The following KHDRBS2 variants were observed in gnomAD, a reference collection of about 807,000 sequenced individuals.
KHDRBS2 encodes KH domain-containing, RNA-binding, signal transduction-associated protein 2.
A neutral mutation model predicts 44.3 loss-of-function variants in KHDRBS2; 26 were observed. The ratio of observed to expected loss-of-function variants is 0.59; its 90% CI spans 0.43 to 0.81. The LOEUF (loss-of-function observed/expected upper bound fraction) is 0.81. KHDRBS2 is among the 40% of genes least tolerant of loss of function. KHDRBS2 has a pLI of 0.00. For missense variants in KHDRBS2, 476 were observed against 433.1 expected (o/e 1.10, Z -0.88); for synonymous variants, 194 against 151.1 (o/e 1.28, Z -2.08).
At chr6:61,762,716 A>C (rs2127573131) in intron 6 of KHDRBS2, among the ~76,000 whole-genome samples, 1 of 152,310 alleles carries the variant, frequency 6.6e-6, no homozygotes. Context: ...AGCAACACAA[A>C]TGAGCTAAGA....
the KHDRBS2 span, among the ~76,000 whole-genome samples, chr6:61,548,499 AACT>A: frequency 6.6e-6 from 1 of 152,146 alleles, no homozygotes; most frequent in African/African-American, 2.4e-5. Context: ...GCTGTCCAAG[AACT>A]ACAATTTAAG....
At chr6:62,033,173 G>A (rs924352942) in intron 3 of KHDRBS2, among the ~76,000 whole-genome samples, 3 of 151,708 alleles carry the variant, frequency 2.0e-5, no homozygotes, top group African/African-American at 7.3e-5. Context: ...AAACAGAGGA[G>A]ACAAAAGAAA....
chr6:61,897,964 T>C (rs771522133), intron 5 of KHDRBS2, among the ~76,000 whole-genome samples: 24 of 152,164 alleles, frequency 1.6e-4, no homozygotes, highest in Non-Finnish European at 1.0e-4. Context: ...TTTTCATTCA[T>C]CAATTATGCA....
chr6:62,081,422 G>A (rs1270094591), intron 2 of KHDRBS2, among the ~76,000 whole-genome samples: 2 of 152,140 alleles, frequency 1.3e-5, no homozygotes, highest in Non-Finnish European at 2.9e-5. Context: ...TAAATTTCTT[G>A]AGTATTAAAG....
At chr6:62,078,726 A>C (rs1319813799) in intron 2 of KHDRBS2, among the ~76,000 whole-genome samples, 2 of 151,990 alleles carry the variant, frequency 1.3e-5, no homozygotes, top group Non-Finnish European at 2.9e-5. Context: ...TAATATTCTG[A>C]AGAAAATTAT....
intron 4 of KHDRBS2, among the ~76,000 whole-genome samples, chr6:61,960,530 G>A (rs544385734): frequency 1.3e-5 from 2 of 152,118 alleles, no homozygotes; most frequent in South Asian, 4.1e-4. Flanking sequence ...TATTTCAGAA[G>A]CAATAAACAT....
chr6:61,884,805 T>G (rs552427237), intron 6 of KHDRBS2, among the ~76,000 whole-genome samples: 111 of 152,230 alleles, frequency 7.3e-4, no homozygotes, highest in African/African-American at 2.5e-3. Context: ...AAACTAAGGT[T>G]ACACAGTCAG....
intron 1 of KHDRBS2, among the ~76,000 whole-genome samples, chr6:62,202,064 G>A (rs1023012868): frequency 7.2e-5 from 11 of 151,962 alleles, no homozygotes; most frequent in African/African-American, 2.4e-4. Context: ...CATATAATAC[G>A]TGAAAATAAT....
At chr6:62,196,921 A>T (rs1388562526) in intron 1 of KHDRBS2, among the ~76,000 whole-genome samples, 1 of 152,214 alleles carries the variant, frequency 6.6e-6, no homozygotes, top group East Asian at 1.9e-4. Flanking sequence ...CCCATAAAGC[A>T]TAGATGTCTT....
chr6:61,804,826 C>T (rs1248125970), intron 6 of KHDRBS2, among the ~76,000 whole-genome samples: 1 of 152,190 alleles, frequency 6.6e-6, no homozygotes, highest in Non-Finnish European at 1.5e-5. Context: ...GCCTGGCCCA[C>T]TAAACCATTT....
chr6:61,794,622 A>G (rs1394028421), intron 6 of KHDRBS2, among the ~76,000 whole-genome samples: 1 of 152,162 alleles, frequency 6.6e-6, no homozygotes, highest in Non-Finnish European at 1.5e-5. Flanking sequence ...AAAAAACAAC[A>G]TGGAATCAGA....
chr6:61,564,780 C>A, the KHDRBS2 span, among the ~76,000 whole-genome samples: 2 of 151,984 alleles, frequency 1.3e-5, no homozygotes, highest in Admixed American at 6.6e-5. Flanking sequence ...CTAGGTCAGG[C>A]TTGTCTCTCA....
Position 61,894,885 on chromosome 6 carries a change from G to A in KHDRBS2, c.612-52C>T, listed in dbSNP as rs754313983. ...GAGAAACAGGTGATGAGAGAAAAGGGCCTATCACAGAAAAAGTTTTCATCT... is the reference window on the plus strand; with the variant it reads ...GAGAAACAGGTGATGAGAGAAAAGGACCTATCACAGAAAAAGTTTTCATCT... On this transcript the variant is annotated intron_variant, in intron 5 of 8. Transcript: ENST00000281156. 1.2e-5 allele frequency: 16 copies of A among 1,310,088 alleles called. No individual in the cohort carries two copies. In the South Asian group the frequency reaches 2.0e-4, roughly 17 times the overall value. The allele number at this position is 1,310,088 out of a possible 1,614,324, so 81.2% of individuals were successfully genotyped here.
chr6:62,165,906 C>A (rs780984864), intron 2 of KHDRBS2, among the ~76,000 whole-genome samples: 14 of 151,894 alleles, frequency 9.2e-5, no homozygotes, highest in Non-Finnish European at 1.9e-4. Flanking sequence ...CTATCCACTT[C>A]TAGAAGTTTT....
chr6:62,112,851 T>C (rs1805334717), intron 2 of KHDRBS2, among the ~76,000 whole-genome samples: 3 of 152,136 alleles, frequency 2.0e-5, no homozygotes, highest in Non-Finnish European at 2.9e-5. Flanking sequence ...TATCTTTAGC[T>C]AGTGATCTTC....
intron 6 of KHDRBS2, among the ~76,000 whole-genome samples, chr6:61,790,869 C>T (rs1426525231): frequency 6.6e-6 from 1 of 151,430 alleles, no homozygotes; most frequent in Non-Finnish European, 1.5e-5. Context: ...TATAACATAA[C>T]ACATCAGTGA....
At chr6:61,903,122 AAACTT>A (rs1276000834) in intron 4 of KHDRBS2, among the ~76,000 whole-genome samples, 1 of 152,218 alleles carries the variant, frequency 6.6e-6, no homozygotes, top group East Asian at 1.9e-4. Context: ...TCAAACAACT[AAACTT>A]AAGAATAAAC....
chr6:61,704,551 A>C (rs1769190469), intron 7 of KHDRBS2, among the ~76,000 whole-genome samples: 1 of 151,730 alleles, frequency 6.6e-6, no homozygotes, highest in East Asian at 2.0e-4. Flanking sequence ...TCAATATTCA[A>C]TCTTGAGACA....
intron 8 of KHDRBS2, among the ~76,000 whole-genome samples, chr6:61,696,962 C>T (rs1268781357): frequency 1.3e-5 from 2 of 152,060 alleles, no homozygotes; most frequent in Non-Finnish European, 2.9e-5. Context: ...ATCACTGTTG[C>T]TGTTGAAAAT....
Sources: allele counts gnomAD v4.1 joint callset (sites outside exome capture counted in the v4.1 genomes callset), GRCh38; gene constraint gnomAD v4.1.1; transcripts MANE v1.5; gene names NCBI Gene and HGNC (gene_info 2026-07-23, HGNC 2026-07-21).